SGCD: variants seen among roughly 807,000 people sequenced by gnomAD.
SGCD encodes the protein delta-sarcoglycan.
A neutral mutation model predicts 36.6 loss-of-function variants in SGCD; 18 were observed. The observed-to-expected ratio is 0.49, with a 90% CI of 0.34 to 0.73. The LOEUF (loss-of-function observed/expected upper bound fraction) is 0.73, where lower values mean the gene tolerates loss of function less well. Ranked by LOEUF, SGCD falls within the 30% of genes least tolerant of loss-of-function variation. The pLI, the probability that SGCD is intolerant of heterozygous loss-of-function variation, is 0.01. For missense variants in SGCD, 387 were observed against 346.7 expected, an observed-to-expected ratio of 1.12 and a Z score of -0.92; for synonymous variants, 133 against 130.6, an observed-to-expected ratio of 1.02 and a Z score of -0.12.
At chr5:155,950,185 A>G (rs1757521801) in intron 1 of SGCD, among the ~76,000 whole-genome samples, 2 of 152,184 alleles carry the variant, frequency 1.3e-5, no homozygotes, top group Non-Finnish European at 2.9e-5. Context: ...TATTATCAGA[A>G]CCTGTGTCTC....
At chr5:156,459,730 C>A (rs77238449) in intron 3 of SGCD, among the ~76,000 whole-genome samples, 8,393 of 152,192 alleles carry the variant, frequency 0.055, 356 homozygotes, top group African/African-American at 0.13. Flanking sequence ...TAACTGTTTT[C>A]AGTGAGGCGA....
At chr5:156,098,842 C>G (rs1171302007) in intron 1 of SGCD, among the ~76,000 whole-genome samples, 1 of 152,214 alleles carries the variant, frequency 6.6e-6, no homozygotes, top group Non-Finnish European at 1.5e-5. Flanking sequence ...GTAGCTGAGT[C>G]TCTCTTGCCA....
chr5:155,963,908 G>C (rs981080854), intron 1 of SGCD, among the ~76,000 whole-genome samples: 1 of 152,022 alleles, frequency 6.6e-6, no homozygotes, highest in African/African-American at 2.4e-5. Flanking sequence ...TTGATGCTTT[G>C]GTGCACATCA....
At chr5:156,016,767 G>GT (rs1317839304) in intron 1 of SGCD, among the ~76,000 whole-genome samples, 8 of 152,126 alleles carry the variant, frequency 5.3e-5, no homozygotes, top group Admixed American at 3.9e-4. Context: ...CCTCATTTGT[G>GT]TATGTACCAT....
At chr5:156,584,887 T>C (rs1760429367) in intron 4 of SGCD, among the ~76,000 whole-genome samples, 1 of 152,186 alleles carries the variant, frequency 6.6e-6, no homozygotes, top group African/African-American at 2.4e-5. Flanking sequence ...CAACTCTCAC[T>C]CTCTGTTGAC....
chr5:156,655,026 A>C (rs556070992), intron 7 of SGCD, among the ~76,000 whole-genome samples: 1 of 152,256 alleles, frequency 6.6e-6, no homozygotes, highest in Admixed American at 6.5e-5. Context: ...AGATCTTTAA[A>C]ATTCTCACTG....
chr5:156,599,322 G>C (rs1761071181), intron 6 of SGCD, among the ~76,000 whole-genome samples: 1 of 152,040 alleles, frequency 6.6e-6, no homozygotes, highest in Admixed American at 6.5e-5. Context: ...TAGGACCTGA[G>C]TGACCGTATT....
intron 1 of SGCD, among the ~76,000 whole-genome samples, chr5:155,919,300 A>T (rs1156243363): frequency 6.6e-6 from 1 of 152,198 alleles, no homozygotes; most frequent in African/African-American, 2.4e-5. Context: ...CGACATGCAC[A>T]TCTGTTTTTC....
chr5:155,946,151 G>A (rs143964134), intron 1 of SGCD, among the ~76,000 whole-genome samples: 81 of 152,224 alleles, frequency 5.3e-4, no homozygotes, highest in African/African-American at 1.7e-3. Flanking sequence ...TGCAAACAGC[G>A]GGTCTGTGGA....
intron 3 of SGCD, among the ~76,000 whole-genome samples, chr5:156,388,063 T>C (rs907276957): frequency 4.6e-5 from 7 of 152,228 alleles, no homozygotes; most frequent in Admixed American, 3.9e-4. Flanking sequence ...TGGATTGCCT[T>C]GCTTTAAGAG....
At chr5:155,737,248 T>G in the SGCD span, among the ~76,000 whole-genome samples, 1 of 152,226 alleles carries the variant, frequency 6.6e-6, no homozygotes, top group East Asian at 1.9e-4. Context: ...CATTAAGGTA[T>G]TTTATGTCAT....
intron 3 of SGCD, among the ~76,000 whole-genome samples, chr5:156,371,760 G>A (rs1005323550): frequency 2.6e-5 from 4 of 152,162 alleles, no homozygotes; most frequent in Non-Finnish European, 5.9e-5. Context: ...TTCCCCCATC[G>A]TCATTAGGAA....
chr5:155,799,125 C>CT, the SGCD span, among the ~76,000 whole-genome samples: 1 of 152,066 alleles, frequency 6.6e-6, no homozygotes, highest in Non-Finnish European at 1.5e-5. Flanking sequence ...TGTTGGTATA[C>CT]TTTTTTTCTT....
chr5:155,996,910 C>G (rs57807656), intron 1 of SGCD, among the ~76,000 whole-genome samples: 1 of 113,966 alleles, frequency 8.8e-6, no homozygotes, highest in Non-Finnish European at 1.9e-5. Context: ...GATAGATAGA[C>G]AGACAGACAG....
At chr5:156,211,028 CAA>C (rs1304968409) in intron 3 of SGCD, among the ~76,000 whole-genome samples, 1 of 151,632 alleles carries the variant, frequency 6.6e-6, no homozygotes, top group Non-Finnish European at 1.5e-5. Flanking sequence ...TAATCAAAGA[CAA>C]AGAGATTATC....
intron 1 of SGCD, among the ~76,000 whole-genome samples, chr5:155,906,972 T>A (rs1756529308): frequency 6.6e-6 from 1 of 152,058 alleles, no homozygotes; most frequent in South Asian, 2.1e-4. Flanking sequence ...AAGAAATAAA[T>A]GCCTGGTTTT....
intron 3 of SGCD, among the ~76,000 whole-genome samples, chr5:156,396,393 A>G (rs1224141109): frequency 1.3e-5 from 2 of 152,198 alleles, no homozygotes; most frequent in Non-Finnish European, 2.9e-5. Context: ...GTTGCCTCTC[A>G]TTAGCAGCAA....
chr5:156,078,219 A>G (rs1449764802), intron 1 of SGCD, among the ~76,000 whole-genome samples: 2 of 151,968 alleles, frequency 1.3e-5, no homozygotes, highest in African/African-American at 4.8e-5. Flanking sequence ...TGCAGTTGTC[A>G]GAAATAATAC....
intron 1 of SGCD, among the ~76,000 whole-genome samples, chr5:155,974,178 A>C (rs977470899): frequency 2.0e-5 from 3 of 152,128 alleles, no homozygotes; most frequent in African/African-American, 7.2e-5. Flanking sequence ...CGGTTAATCT[A>C]TGGAAAAGGA....
Sources: allele counts gnomAD v4.1 joint callset (sites outside exome capture counted in the v4.1 genomes callset), GRCh38; gene constraint gnomAD v4.1.1; transcripts MANE v1.5; gene names NCBI Gene and HGNC (gene_info 2026-07-23, HGNC 2026-07-21).